The following CPED1 variants were observed in gnomAD, a reference collection of about 807,000 sequenced individuals.
CPED1 encodes cadherin like and PC-esterase domain containing 1.
Under a neutral mutation model 128.2 loss-of-function variants are expected in CPED1, and 114 were observed. That is an observed-to-expected ratio of 0.89 (90% CI 0.76 to 1.04). CPED1 has a LOEUF of 1.04. Among genes scored for constraint, CPED1 ranks in the 50% least tolerant of loss-of-function variants. The pLI, the probability that CPED1 is intolerant of heterozygous loss-of-function variation, is 0.00. For synonymous variants in CPED1, 462 were observed against 426.7 expected (o/e 1.08, Z -1.02); for missense variants, 1,211 against 1,207.1 (o/e 1.00, Z -0.05).
At chr7:121,251,752 T>C (rs1798677642) in intron 18 of CPED1, among the ~76,000 whole-genome samples, 1 of 132,796 alleles carries the variant, frequency 7.5e-6, no homozygotes, top group Non-Finnish European at 1.7e-5. Flanking sequence ...GAATCCAACT[T>C]AAAGGGATGT....
At chr7:121,215,070 T>C (rs535611959) in intron 16 of CPED1, among the ~76,000 whole-genome samples, 1 of 152,190 alleles carries the variant, frequency 6.6e-6, no homozygotes, top group South Asian at 2.1e-4. Context: ...TTTGTGTGCA[T>C]GTAGACTGCC....
At chr7:121,157,218 G>T (rs1471606900) in intron 16 of CPED1, among the ~76,000 whole-genome samples, 2 of 152,104 alleles carry the variant, frequency 1.3e-5, no homozygotes, top group Non-Finnish European at 2.9e-5. Flanking sequence ...GTAGGTTATT[G>T]TTTGGAACTT....
At chr7:121,003,348 C>A (rs989773927) in intron 2 of CPED1, among the ~76,000 whole-genome samples, 10 of 152,086 alleles carry the variant, frequency 6.6e-5, no homozygotes, top group African/African-American at 2.2e-4. Flanking sequence ...AAGGAAATTC[C>A]TTTTCCAGCC....
rs562607623 is a variant in CPED1 at position 121,078,803 on chromosome 7, C to T, written c.616+14490C>T. The stretch of plus-strand genomic sequence containing the variant: ...TGAATGGTTGGGCTGAGGCTGCTCC[C>T]ATGGGCACTGTATTAGTTTGCTAGG... On this transcript the variant is annotated intron_variant, in intron 5 of 22. Transcript: ENST00000310396. 3.9e-5 allele frequency among the ~76,000 whole-genome samples: 6 copies of T among 152,278 alleles called. No individual in the cohort carries two copies. The South Asian group carries it at 1.0e-3, about 26-fold the overall frequency.
intron 2 of CPED1, among the ~76,000 whole-genome samples, chr7:120,996,870 C>G (rs536999403): frequency 6.6e-6 from 1 of 152,160 alleles, no homozygotes; most frequent in African/African-American, 2.4e-5. Flanking sequence ...TGCACAGGTC[C>G]CATTAATACC....
intron 16 of CPED1, among the ~76,000 whole-genome samples, chr7:121,167,919 G>C (rs1006808102): frequency 6.6e-6 from 1 of 151,868 alleles, no homozygotes; most frequent in African/African-American, 2.4e-5. Flanking sequence ...ATTTTTAGTA[G>C]AGATGGGGTT....
chr7:121,142,066 C>G lies in CPED1; in HGVS notation c.1980C>G (p.Tyr660Ter). Residue 660 changes from tyrosine (Y) to a stop codon, truncating the protein, a stop_gained, in exon 16 of 23, where the codon TAC (tyrosine) becomes TAG (stop). Transcript: ENST00000310396. LOFTEE classifies it high-confidence loss of function. ...CACACGGTGAGACTCTGATCACGTACAAACTCACCATCTATAGAGAAGACC... is the reference window on the plus strand; with the variant it reads ...CACACGGTGAGACTCTGATCACGTAGAAACTCACCATCTATAGAGAAGACC... ...SPAHGETLIT[Y>*]KLTIYREDRP... 3 of 1,612,770 alleles carry G rather than the reference C, an allele frequency of 1.9e-6. No homozygotes were observed. The highest frequency in any genetic ancestry group is 2.5e-6 in the Non-Finnish European group (3 of 1,179,054).
rs180938322 is a variant in CPED1, at chr7:121,168,189, T to C, written c.2055+26048T>C. Among the ~76,000 whole-genome samples the C allele has an allele frequency of 3.0e-3, 452 of 152,316 alleles. 2 individuals carry two copies. The highest frequency in any genetic ancestry group is 9.9e-3 in the African/African-American group (411 of 41,564). ...TCTCTTACTGGTCAGAGGTTTAATA[T>C]GCTGAGAATGTTGCTCAAGTAAAAG... On this transcript the variant is annotated intron_variant, in intron 16 of 22. Coordinates refer to ENST00000310396, the MANE Select transcript of CPED1 (RefSeq NM_024913.5).
chr7:121,125,482 C>T (rs1430567301), intron 8 of CPED1, among the ~76,000 whole-genome samples: 2 of 152,012 alleles, frequency 1.3e-5, no homozygotes, highest in Non-Finnish European at 2.9e-5. Context: ...CCCAACAGGC[C>T]CCAGTGTGTG....
chr7:121,277,215 A>T (rs965034847), intron 22 of CPED1, among the ~76,000 whole-genome samples: 2 of 152,150 alleles, frequency 1.3e-5, no homozygotes, highest in African/African-American at 4.8e-5. Flanking sequence ...TTAGGGAGAG[A>T]AACTGGCAAT....
At chr7:121,236,340 G>GTTAAA (rs1037935119) in intron 16 of CPED1, among the ~76,000 whole-genome samples, 1 of 152,106 alleles carries the variant, frequency 6.6e-6, no homozygotes, top group African/African-American at 2.4e-5. Context: ...AAATTCATCT[G>GTTAAA]TTAAATTAAA....
intron 16 of CPED1, among the ~76,000 whole-genome samples, chr7:121,156,158 T>A (rs1044704180): frequency 1.3e-5 from 2 of 152,148 alleles, no homozygotes; most frequent in African/African-American, 2.4e-5. Context: ...CTTACTCCAA[T>A]TAAAATGGCT....
chr7:121,268,504 A>G (rs1792174332), intron 21 of CPED1, among the ~76,000 whole-genome samples: 2 of 152,138 alleles, frequency 1.3e-5, no homozygotes, highest in South Asian at 4.1e-4. Context: ...AATAGAAAAA[A>G]GGAAAAGGGG....
chr7:121,204,721 C>G lies in CPED1; in HGVS notation c.2056-31993C>G, dbSNP rs146302639. Among the ~76,000 whole-genome samples, 180 of 152,276 alleles carry G rather than the reference C, an allele frequency of 1.2e-3. 1 individual carries two copies. Among genetic ancestry groups the G allele is most frequent in the African/African-American group, 4.2e-3 (173 of 41,576 alleles). The stretch of plus-strand genomic sequence containing the variant: ...AAGAATTATAAACAGAACATTACAG[C>G]TTCATTAAGCCCATGATGCAGGTCA... On this transcript the variant is annotated intron_variant, in intron 16 of 22. Transcript: ENST00000310396.
At chr7:121,008,657 A>G (rs1228323293) in intron 2 of CPED1, among the ~76,000 whole-genome samples, 1 of 152,006 alleles carries the variant, frequency 6.6e-6, no homozygotes, top group Non-Finnish European at 1.5e-5. Flanking sequence ...TAATCACCAA[A>G]TCATCTAAAA....
intron 22 of CPED1, among the ~76,000 whole-genome samples, chr7:121,282,845 CT>C (rs1792489635): frequency 6.6e-6 from 1 of 152,176 alleles, no homozygotes; most frequent in African/African-American, 2.4e-5. Context: ...AGTCATGTGT[CT>C]TTATATAGTC....
At chr7:121,087,352 T>C (rs1006967847) in intron 5 of CPED1, among the ~76,000 whole-genome samples, 1 of 152,136 alleles carries the variant, frequency 6.6e-6, no homozygotes, top group African/African-American at 2.4e-5. Context: ...TGTCCACTCT[T>C]CTCTCTCCAA....
At chr7:121,279,303 G>GA (rs1238213312) in intron 22 of CPED1, among the ~76,000 whole-genome samples, 11 of 151,542 alleles carry the variant, frequency 7.3e-5, no homozygotes, top group Non-Finnish European at 1.6e-4. Flanking sequence ...CACACTTTGA[G>GA]AAAATTGGCA....
At chr7:121,088,645 C>T (rs1018096036) in intron 5 of CPED1, among the ~76,000 whole-genome samples, 5 of 139,212 alleles carry the variant, frequency 3.6e-5, no homozygotes, top group South Asian at 2.4e-4. Context: ...GGCGACGGTG[C>T]GAGACTGCTT....
Sources: gnomAD v4.1 joint callset for allele counts (sites outside exome capture counted in the v4.1 genomes callset) on GRCh38, gnomAD v4.1.1 for gene constraint, MANE v1.5 for transcripts, NCBI Gene and HGNC (gene_info 2026-07-23, HGNC 2026-07-21) for gene names.